Variants in RASGEF1C observed in about 807,000 individuals in gnomAD.
RASGEF1C encodes ras-GEF domain-containing family member 1C.
Under a neutral mutation model 58.1 loss-of-function variants are expected in RASGEF1C, and 27 were observed. That is an observed-to-expected ratio of 0.46 (90% CI 0.34 to 0.64). The LOEUF (loss-of-function observed/expected upper bound fraction) is 0.64, where lower values mean the gene tolerates loss of function less well. Among genes scored for constraint, RASGEF1C ranks in the 30% least tolerant of loss-of-function variants. RASGEF1C has a pLI of 0.01. For synonymous variants in RASGEF1C, 243 were observed against 246.3 expected (o/e 0.99, Z 0.13); for missense variants, 502 against 605.1 (o/e 0.83, Z 1.79).
chr5:180,148,894 C>T (rs1217922867), intron 1 of RASGEF1C, among the ~76,000 whole-genome samples: 2 of 152,022 alleles, frequency 1.3e-5, no homozygotes, highest in African/African-American at 4.8e-5. Context: ...CTAGGTAGGC[C>T]TTGCGGTAGT....
Position 180,137,788 on chromosome 5 carries a change from C to T in RASGEF1C, c.178-76G>A. The T allele has an allele frequency of 6.2e-7, 1 of 1,604,750 alleles. No individual in the cohort carries two copies. Among genetic ancestry groups the T allele is most frequent in the East Asian group, 2.2e-5 (1 of 44,796 alleles). On this transcript the variant is annotated intron_variant, in intron 2 of 13. Coordinates refer to ENST00000361132, the MANE Select transcript of RASGEF1C (RefSeq NM_175062.4). This position sits in a 1 kb window ranked among gnomAD's most constrained non-coding sequence, Gnocchi z 4.1. Reference sequence around the variant, plus strand: ...GGCATGCTTCCCAGCTGGCCCTGTACCCTGGCCCAAGGTCACGCCCAACCC... The same window carrying T: ...GGCATGCTTCCCAGCTGGCCCTGTATCCTGGCCCAAGGTCACGCCCAACCC...
At chr5:180,144,025 G>A (rs1330344677) in intron 1 of RASGEF1C, among the ~76,000 whole-genome samples, 1 of 152,158 alleles carries the variant, frequency 6.6e-6, no homozygotes, top group Non-Finnish European at 1.5e-5. Context: ...AGAGGGAGCA[G>A]TCCCCCTCTT....
intron 1 of RASGEF1C, among the ~76,000 whole-genome samples, chr5:180,194,555 G>A (rs903989384): frequency 3.3e-5 from 5 of 152,170 alleles, no homozygotes; most frequent in African/African-American, 9.7e-5. Flanking sequence ...CCTTGCGCAC[G>A]TTCACAAAAA....
chr5:180,159,955 C>T (rs768028798), intron 1 of RASGEF1C, among the ~76,000 whole-genome samples: 5 of 152,190 alleles, frequency 3.3e-5, no homozygotes, highest in African/African-American at 4.8e-5. Flanking sequence ...AGCCAAGCTT[C>T]GAGCACATTG....
intron 12 of RASGEF1C, among the ~76,000 whole-genome samples, chr5:180,103,273 T>G (rs1276304425): frequency 6.6e-6 from 1 of 152,130 alleles, no homozygotes; most frequent in Non-Finnish European, 1.5e-5. Context: ...GAGATGGGGT[T>G]TCACCGTGTT....
chr5:180,145,275 C>T (rs1766646028), intron 1 of RASGEF1C, among the ~76,000 whole-genome samples: 1 of 152,188 alleles, frequency 6.6e-6, no homozygotes, highest in African/African-American at 2.4e-5. Context: ...CATGTGCCAC[C>T]ACCGTGTCCG....
In RASGEF1C at chr5:180,156,129, G is replaced by A. The variant is rs1377103472; in HGVS notation, c.-6-18071C>T. Among the ~76,000 whole-genome samples, 2 of 152,156 alleles carry A rather than the reference G, an allele frequency of 1.3e-5. No homozygotes were observed. Among genetic ancestry groups the A allele is most frequent in the Non-Finnish European group, 2.9e-5 (2 of 68,036 alleles). Reference sequence around the variant, plus strand: ...CCCCCTAACCTCTAGACAAGACCATGCTGACTTTTGTGCTAATTGTTCCCT... The same window carrying A: ...CCCCCTAACCTCTAGACAAGACCATACTGACTTTTGTGCTAATTGTTCCCT... On this transcript the variant is annotated intron_variant, in intron 1 of 13. Transcript: ENST00000361132. This position sits in a 1 kb window ranked among gnomAD's most constrained non-coding sequence, Gnocchi z 4.9.
In RASGEF1C at chr5:180,177,737, G is replaced by A. The variant is rs1261602587; in HGVS notation, c.-7+31291C>T. On this transcript the variant is annotated intron_variant, in intron 1 of 13. Transcript: ENST00000361132. This position sits in a 1 kb window ranked among gnomAD's most constrained non-coding sequence, Gnocchi z 5.0. ...CCCTGGCCTCTGGGATAAATCCATG[G>A]GCAGGCATGTCACCTGGGTGGGCCA... Among the ~76,000 whole-genome samples the A allele has an allele frequency of 6.6e-6, 1 of 152,202 alleles. No individual in the cohort carries two copies. The highest frequency in any genetic ancestry group is 1.5e-5 in the Non-Finnish European group (1 of 68,028).
chr5:180,126,012 C>A (rs993930952), intron 6 of RASGEF1C, among the ~76,000 whole-genome samples: 1 of 152,118 alleles, frequency 6.6e-6, no homozygotes, highest in Non-Finnish European at 1.5e-5. Context: ...CACAAATGTT[C>A]ATCTACAGTA....
In RASGEF1C at chr5:180,143,803, C is replaced by G. The variant is rs1766622046; in HGVS notation, c.-6-5745G>C. 6.6e-6 allele frequency among the ~76,000 whole-genome samples: 1 copy of G among 152,212 alleles called. No individual in the cohort carries two copies. Among genetic ancestry groups the G allele is most frequent in the South Asian group, 2.1e-4 (1 of 4,832 alleles). ...TTCCTGCTGGGGTCCCCACATCCCT[C>G]AGCATGGGTGGCTGGCATTAAACAT... On this transcript the variant is annotated intron_variant, in intron 1 of 13. Transcript: ENST00000361132. This position sits in a 1 kb window ranked among gnomAD's most constrained non-coding sequence, Gnocchi z 4.3.
chr5:180,109,136 G>C (rs1480513019), intron 12 of RASGEF1C, among the ~76,000 whole-genome samples: 3 of 152,140 alleles, frequency 2.0e-5, no homozygotes, highest in Non-Finnish European at 2.9e-5. Context: ...AGAGGTCACT[G>C]GCTAATGACA....
intron 1 of RASGEF1C, among the ~76,000 whole-genome samples, chr5:180,149,261 T>C (rs1766709129): frequency 6.6e-6 from 1 of 151,560 alleles, no homozygotes; most frequent in African/African-American, 2.4e-5. Context: ...CTAATTTTTG[T>C]ATTTTTAGTA....
intron 1 of RASGEF1C, among the ~76,000 whole-genome samples, chr5:180,208,222 C>T (rs1382763709): frequency 2.0e-5 from 3 of 152,120 alleles, no homozygotes. Flanking sequence ...CAGAGCTTCC[C>T]AGGACTCTTC....
intron 1 of RASGEF1C, among the ~76,000 whole-genome samples, chr5:180,165,487 T>C (rs532778212): frequency 9.9e-5 from 15 of 151,948 alleles, no homozygotes; most frequent in African/African-American, 2.9e-4. Context: ...CTGGCCAACA[T>C]GGTGAAACCC....
chr5:180,181,293 T>C (rs534883120), intron 1 of RASGEF1C, among the ~76,000 whole-genome samples: 1 of 152,316 alleles, frequency 6.6e-6, no homozygotes, highest in African/African-American at 2.4e-5. Context: ...AATAATACTG[T>C]AGTGTGGGGT....
chr5:180,200,241 G>A (rs1479517568), intron 1 of RASGEF1C, among the ~76,000 whole-genome samples: 1 of 151,024 alleles, frequency 6.6e-6, no homozygotes, highest in Non-Finnish European at 1.5e-5. Context: ...ATTCCAGCCT[G>A]GGCTACAGAG....
At chr5:180,120,452 C>A (rs148581474) in intron 7 of RASGEF1C, among the ~76,000 whole-genome samples, 1 of 151,906 alleles carries the variant, frequency 6.6e-6, no homozygotes, top group Non-Finnish European at 1.5e-5. Context: ...CCTGGCCCAG[C>A]GCTGCCTCCA....
At chr5:180,194,518 A>T (rs1207798107) in intron 1 of RASGEF1C, among the ~76,000 whole-genome samples, 47 of 152,000 alleles carry the variant, frequency 3.1e-4, no homozygotes. Context: ...CAGCTGTCAC[A>T]CTCTCGCCTC....
At position 180,137,876 on chromosome 5, in the gene RASGEF1C, C is replaced by G. The variant is rs781076272; in HGVS notation, c.177G>C (p.Glu59Asp). The G allele has an allele frequency of 6.2e-7, 1 of 1,611,936 alleles. No homozygotes were observed. Among genetic ancestry groups the G allele is most frequent in the South Asian group, 1.1e-5 (1 of 90,868 alleles). Residue 59 changes from glutamate (E) to aspartate (D), a missense_variant and splice_region_variant, in exon 2 of 14, where the codon GAG becomes GAC. Glu to Asp is a conservative substitution (Grantham distance 45). Transcript: ENST00000361132. The surrounding 1 kb of genome is among the most constrained non-coding windows in gnomAD (Gnocchi z 4.1). Reference protein sequence around the residue: ...HLVPTADYYPEKAYIFTFLLS... With the variant: ...HLVPTADYYPDKAYIFTFLLS... ...CCTGCCCGCTGGGTGGATCACCCAC[C>G]TCGGGGTAGTAGTCGGCTGTGGGCA...
Sources: gnomAD v4.1 joint callset for allele counts (sites outside exome capture counted in the v4.1 genomes callset) on GRCh38, gnomAD v4.1.1 for gene constraint, Gnocchi (gnomAD v3.1) non-coding constraint, MANE v1.5 for transcripts, NCBI Gene and HGNC (gene_info 2026-07-23, HGNC 2026-07-21) for gene names.